Variants in CERS6 observed in about 807,000 individuals in gnomAD.
CERS6 encodes the protein LAG1 homolog, ceramide synthase 6.
A neutral mutation model predicts 56.8 loss-of-function variants in CERS6; 26 were observed. That is an observed-to-expected ratio of 0.46 (90% CI 0.34 to 0.63). The LOEUF (loss-of-function observed/expected upper bound fraction) is 0.63, where lower values mean the gene tolerates loss of function less well. Ranked by LOEUF, CERS6 falls within the 30% of genes least tolerant of loss-of-function variation. The pLI is 0.01. For synonymous variants in CERS6, 164 were observed against 173.3 expected (o/e 0.95, Z 0.42); for missense variants, 415 against 467.5 (o/e 0.89, Z 1.04).
Position 168,770,709 on chromosome 2 carries a change from A to G in CERS6, c.*1047A>G, listed in dbSNP as rs1339058822. The G allele has an allele frequency of 1.3e-5, 2 of 152,680 alleles. No individual in the cohort carries two copies. Among genetic ancestry groups the G allele is most frequent in the Non-Finnish European group, 2.9e-5 (2 of 68,050 alleles). The allele number at this position is 152,680 out of a possible 1,614,324, so 9.5% of individuals were successfully genotyped here. ...CTTTCAAGAAAAAGCCCTATCTAGT[A>G]CTTGATGTTGATGTTTTTATTTTGC... On this transcript the variant is annotated 3_prime_UTR_variant, in exon 10 of 10. Coordinates refer to ENST00000305747, the MANE Select transcript of CERS6 (RefSeq NM_203463.3).
chr2:168,726,941 A>G (rs1007133776), intron 8 of CERS6, among the ~76,000 whole-genome samples: 4 of 152,146 alleles, frequency 2.6e-5, no homozygotes, highest in Admixed American at 1.3e-4. Flanking sequence ...TGTTCTCAGT[A>G]CTCAGTAAGC....
intron 1 of CERS6, among the ~76,000 whole-genome samples, chr2:168,505,905 A>G (rs1256315001): frequency 6.6e-6 from 1 of 152,186 alleles, no homozygotes; most frequent in Non-Finnish European, 1.5e-5. Context: ...AATAATAAAG[A>G]GCATTCTTTT....
At chr2:168,544,716 A>G (rs1300772853) in intron 1 of CERS6, among the ~76,000 whole-genome samples, 1 of 152,104 alleles carries the variant, frequency 6.6e-6, no homozygotes, top group Non-Finnish European at 1.5e-5. Flanking sequence ...CCACAATTTT[A>G]TGTCCACATG....
chr2:168,484,766 C>G (rs899237623), intron 1 of CERS6, among the ~76,000 whole-genome samples: 4 of 152,068 alleles, frequency 2.6e-5, no homozygotes, highest in Admixed American at 2.0e-4. Context: ...TCATTAGAGG[C>G]ATTTAGCATT....
chr2:168,645,905 G>A (rs1468525461), intron 4 of CERS6, among the ~76,000 whole-genome samples: 1 of 152,126 alleles, frequency 6.6e-6, no homozygotes, highest in East Asian at 1.9e-4. Flanking sequence ...ATTCCTTGGT[G>A]TATACAAACC....
At chr2:168,553,221 T>C (rs980499691) in intron 2 of CERS6, among the ~76,000 whole-genome samples, 5 of 152,036 alleles carry the variant, frequency 3.3e-5, no homozygotes, top group African/African-American at 1.2e-4. Context: ...AGCTACAAAA[T>C]GGATATATAG....
At chr2:168,535,673 T>C (rs1175077399) in intron 1 of CERS6, among the ~76,000 whole-genome samples, 1 of 149,954 alleles carries the variant, frequency 6.7e-6, no homozygotes, top group Non-Finnish European at 1.5e-5. Context: ...ATACCAGTTT[T>C]TTTTTTTTTT....
intron 8 of CERS6, among the ~76,000 whole-genome samples, chr2:168,756,621 G>A (rs1684423026): frequency 6.6e-6 from 1 of 152,190 alleles, no homozygotes; most frequent in Admixed American, 6.5e-5. Flanking sequence ...ACATTGCAGG[G>A]AATTACAGGC....
At chr2:168,722,836 C>G (rs942824287) in intron 8 of CERS6, among the ~76,000 whole-genome samples, 5 of 152,152 alleles carry the variant, frequency 3.3e-5, no homozygotes, top group African/African-American at 7.2e-5. Flanking sequence ...TGGGATGCAA[C>G]CCTCCCACAC....
At position 168,645,112 on chromosome 2, in the gene CERS6, A is replaced by ATATATATAT. The variant is rs1421470329; in HGVS notation, c.465+14070_465+14071insTATATATAT. 6.5e-4 allele frequency among the ~76,000 whole-genome samples: 31 copies of ATATATATAT among 47,726 alleles called. 1 individual carries two copies. Among genetic ancestry groups the ATATATATAT allele is most frequent in the Non-Finnish European group, 1.1e-3 (28 of 24,476 alleles). The allele number at this position is 47,726 out of a possible 152,430, so 31.3% of individuals were successfully genotyped here. A position where few individuals can be genotyped will look rare whatever the true frequency, so the allele number is the denominator to read the frequency against. On this transcript the variant is annotated intron_variant, in intron 4 of 9. Coordinates refer to ENST00000305747, the MANE Select transcript of CERS6 (RefSeq NM_203463.3). ...TCTTAAAAAAAAAAAAAAAAAAAAAAAAAAATATATATATATATATATATA... is the reference window on the plus strand; with the variant it reads ...TCTTAAAAAAAAAAAAAAAAAAAAAATATATATATAAAAATATATATATATATATATATA...
intron 1 of CERS6, among the ~76,000 whole-genome samples, chr2:168,501,647 C>T (rs1168404185): frequency 5.3e-5 from 8 of 152,168 alleles, no homozygotes; most frequent in Admixed American, 5.2e-4. Flanking sequence ...GGCTTTAGGC[C>T]AGGACAAAAT....
chr2:168,520,111 A>G (rs10175250), intron 1 of CERS6, among the ~76,000 whole-genome samples: 24,629 of 152,098 alleles, frequency 0.16, 2,570 homozygotes, highest in Non-Finnish European at 0.23. Flanking sequence ...TGATTTTTTA[A>G]TAATAGCCAT....
intron 3 of CERS6, among the ~76,000 whole-genome samples, chr2:168,562,179 G>A (rs1695802084): frequency 6.6e-6 from 1 of 152,096 alleles, no homozygotes; most frequent in Admixed American, 6.5e-5. Flanking sequence ...TTAGTTGCAG[G>A]CCCTTTCTCT....
intron 4 of CERS6, among the ~76,000 whole-genome samples, chr2:168,660,739 T>C (rs1199268553): frequency 6.6e-6 from 1 of 152,238 alleles, no homozygotes; most frequent in African/African-American, 2.4e-5. Context: ...CGCATAGTCT[T>C]TTTTATTATT....
chr2:168,627,738 CA>C (rs956208854), intron 3 of CERS6, among the ~76,000 whole-genome samples: 2 of 151,074 alleles, frequency 1.3e-5, no homozygotes, highest in African/African-American at 4.9e-5. Flanking sequence ...TTTCAGTTCA[CA>C]TTTTTTTTAG....
At chr2:168,468,787 T>C (rs1385904513) in intron 1 of CERS6, among the ~76,000 whole-genome samples, 1 of 152,152 alleles carries the variant, frequency 6.6e-6, no homozygotes, top group African/African-American at 2.4e-5. Flanking sequence ...TTCCCTTCTC[T>C]CTCTTTTTTT....
chr2:168,527,570 G>C (rs6761380), intron 1 of CERS6, among the ~76,000 whole-genome samples: 151,343 of 152,264 alleles, frequency 0.99, 75,217 homozygotes, highest in East Asian at 1. Context: ...AGATCAGGCA[G>C]TGGCGGGTGT....
chr2:168,488,783 G>C (rs947445964), intron 1 of CERS6, among the ~76,000 whole-genome samples: 1 of 151,976 alleles, frequency 6.6e-6, no homozygotes, highest in Non-Finnish European at 1.5e-5. Context: ...CTCTACTCAA[G>C]AGTTAATGTT....
chr2:168,665,706 G>A (rs1231755780), intron 4 of CERS6, among the ~76,000 whole-genome samples: 2 of 152,116 alleles, frequency 1.3e-5, no homozygotes, highest in Non-Finnish European at 2.9e-5. Flanking sequence ...GTTCACTGCT[G>A]TATACTACAT....
Sources: gnomAD v4.1 joint callset for allele counts (sites outside exome capture counted in the v4.1 genomes callset) on GRCh38, gnomAD v4.1.1 for gene constraint, MANE v1.5 for transcripts, NCBI Gene and HGNC (gene_info 2026-07-23, HGNC 2026-07-21) for gene names.